PFKP: variants seen among roughly 807,000 people sequenced by gnomAD.
PFKP encodes the protein phosphofructokinase, platelet.
PFKP carries 101 observed loss-of-function variants against 94.3 expected under a neutral mutation model. The observed-to-expected ratio is 1.07, with a 90% confidence interval of 0.91 to 1.26. The LOEUF (loss-of-function observed/expected upper bound fraction) is 1.26. Ranked by LOEUF, PFKP falls within the 50% of genes most tolerant of loss-of-function variation. PFKP has a pLI of 0.00. For missense variants in PFKP, 1,145 were observed against 1,103.3 expected, an observed-to-expected ratio of 1.04 and a Z score of -0.53; for synonymous variants, 573 against 432.6, an observed-to-expected ratio of 1.32 and a Z score of -4.03.
At chr10:3,067,805 A>G (rs1173544118) in intron 1 of PFKP, 98 bp downstream of exon 1, 12 of 340,676 alleles carry the variant, frequency 3.5e-5, no homozygotes, top group African/African-American at 9.1e-5. Flanking sequence ...AGAGGGGGGA[A>G]GCGATGGGGG....
chr10:3,134,612 C>T, intron 20 of PFKP, 30 bp downstream of exon 20: 1 of 1,408,066 alleles, frequency 7.1e-7, no homozygotes, highest in East Asian at 2.3e-5. Flanking sequence ...AGGCCACAGC[C>T]TCGTGATGCA....
chr10:3,117,547 C>T (rs115743448), intron 14 of PFKP, among the ~76,000 whole-genome samples: 1,972 of 152,306 alleles, frequency 0.013, 44 homozygotes, highest in African/African-American at 0.045. Flanking sequence ...GAGTTAGCTG[C>T]ACCCTTTGCT....
chr10:3,092,705 C>T (rs901382028), intron 2 of PFKP, among the ~76,000 whole-genome samples: 2 of 152,214 alleles, frequency 1.3e-5, no homozygotes, highest in African/African-American at 2.4e-5. Context: ...AAAAACCTTT[C>T]CCTTCCTGAT....
intron 2 of PFKP, among the ~76,000 whole-genome samples, chr10:3,097,758 A>G (rs1834605832): frequency 6.6e-6 from 1 of 152,172 alleles, no homozygotes; most frequent in African/African-American, 2.4e-5. Flanking sequence ...TAATCCCAGC[A>G]CTTTGGGAGG....
chr10:3,126,168 T>A (rs535554857), intron 16 of PFKP, among the ~76,000 whole-genome samples: 1 of 152,234 alleles, frequency 6.6e-6, no homozygotes, highest in South Asian at 2.1e-4. Flanking sequence ...TTCCGGGTAC[T>A]TCCTTCAGAG....
intron 3 of PFKP, among the ~76,000 whole-genome samples, chr10:3,100,049 G>GGT (rs754475792): frequency 0.074 from 10,205 of 138,600 alleles, 797 homozygotes; most frequent in African/African-American, 0.22. Context: ...TGTATGTGTA[G>GGT]GTGTGTGGTG....
chr10:3,121,429 T>C (rs1837388725), intron 16 of PFKP, among the ~76,000 whole-genome samples: 1 of 152,216 alleles, frequency 6.6e-6, no homozygotes. Context: ...CTGTGAAAGT[T>C]GGGTGTGCAA....
At chr10:3,077,249 CTTTTTTTTTTTCTTTTT>C (rs1458849541) in intron 1 of PFKP, among the ~76,000 whole-genome samples, 1 of 108,180 alleles carries the variant, frequency 9.2e-6, no homozygotes, top group African/African-American at 3.4e-5. Context: ...CTATTCTTTA[CTTTTTTTTTTTCTTTTT>C]TTTTTTTTTT....
At chr10:3,136,171 G>T (rs941338193) in intron 21 of PFKP, among the ~76,000 whole-genome samples, 4 of 152,172 alleles carry the variant, frequency 2.6e-5, no homozygotes, top group Non-Finnish European at 5.9e-5. Flanking sequence ...GGCTGAGGCA[G>T]GAGAAATCGC....
Position 3,129,799 on chromosome 10 carries a change from G to A in PFKP, c.1684-20G>A, listed in dbSNP as rs371460557. 4.3e-6 allele frequency: 7 copies of A among 1,612,454 alleles called. No homozygotes were observed. The highest frequency in any genetic ancestry group is 5.9e-6 in the Non-Finnish European group (7 of 1,179,698). On this transcript the variant is annotated intron_variant, in intron 16 of 21. Coordinates refer to ENST00000381125, the MANE Select transcript of PFKP (RefSeq NM_002627.5). ...GCCCCGGGCCTGGGCTGGAGTGACT[G>A]ATCGCTTCTCTGTGACCAGACCTGC...
At chr10:3,100,896 A>T in intron 3 of PFKP, 1 of 1,283,606 alleles carries the variant, frequency 7.8e-7, no homozygotes, top group Non-Finnish European at 1.1e-6. Flanking sequence ...CCCTGGCCCC[A>T]GGTTCCTGCT....
rs1283768398 is a variant in PFKP, at chr10:3,105,051, G to C, written c.621-64G>C. 6.1e-6 allele frequency: 9 copies of C among 1,474,820 alleles called. No individual in the cohort carries two copies. In the East Asian group the frequency reaches 2.0e-4, roughly 33 times the overall value. The allele number at this position is 1,474,820 out of a possible 1,614,324, so 91.4% of individuals were successfully genotyped here. A position where few individuals can be genotyped will look rare whatever the true frequency, so the allele number is the denominator to read the frequency against. On this transcript the variant is annotated intron_variant, in intron 5 of 21. Transcript: ENST00000381125. ...TTCTGAGCTGTTTCCAGGACTGAGT[G>C]GGTGCTCCCTCTGTTTCTCTGCTTT...
rs1564309832 is a variant in PFKP at position 3,106,695 on chromosome 10, G to GCCCCTC, written c.775-519_775-518insCCCCTC. On this transcript the variant is annotated intron_variant, in intron 7 of 21. Transcript: ENST00000381125. ...TGCCCCTGTCCTCACCCCTACCCCT[G>GCCCCTC]TCCTCACCCCTGCCCCTCTCCTCAC... Among the ~76,000 whole-genome samples, 2 of 1,324 alleles carry GCCCCTC rather than the reference G, an allele frequency of 1.5e-3. 1 individual carries two copies. The allele number at this position is 1,324 out of a possible 152,430, so 0.9% of individuals were successfully genotyped here.
intron 17 of PFKP, among the ~76,000 whole-genome samples, chr10:3,131,940 T>A (rs1341799541): frequency 6.6e-6 from 1 of 152,160 alleles, no homozygotes; most frequent in African/African-American, 2.4e-5. Context: ...TGTGTATGAA[T>A]GTGAGTCTAC....
intron 16 of PFKP, among the ~76,000 whole-genome samples, chr10:3,122,355 A>C (rs1045102239): frequency 2.6e-5 from 4 of 152,002 alleles, no homozygotes; most frequent in African/African-American, 9.7e-5. Flanking sequence ...GCTGCTGGGG[A>C]GCTGGGACAG....
intron 16 of PFKP, among the ~76,000 whole-genome samples, chr10:3,126,965 A>T (rs1789101175): frequency 1.3e-5 from 2 of 152,250 alleles, no homozygotes; most frequent in Admixed American, 1.3e-4. Flanking sequence ...TCCACGTGCC[A>T]GCCCTGGGAC....
At chr10:3,099,991 C>T (rs1834826623) in intron 3 of PFKP, among the ~76,000 whole-genome samples, 1 of 150,090 alleles carries the variant, frequency 6.7e-6, no homozygotes. Context: ...GAATTTCTGG[C>T]TAGCGAATGT....
At chr10:3,097,604 G>A (rs185047479) in intron 2 of PFKP, among the ~76,000 whole-genome samples, 123 of 152,316 alleles carry the variant, frequency 8.1e-4, no homozygotes, top group Non-Finnish European at 1.5e-3. Context: ...CTCGGGAGGT[G>A]CAGACGGGGC....
chr10:3,098,688 A>AAAAAAAAAAAG (rs1313571952), intron 2 of PFKP, among the ~76,000 whole-genome samples: 10 of 151,796 alleles, frequency 6.6e-5, no homozygotes, highest in South Asian at 2.1e-4. Context: ...AAAAAAAAAA[A>AAAAAAAAAAAG]AAGGTAATTG....
Sources: gnomAD v4.1 joint callset for allele counts (sites outside exome capture counted in the v4.1 genomes callset) on GRCh38, gnomAD v4.1.1 for gene constraint, MANE v1.5 for transcripts, NCBI Gene and HGNC (gene_info 2026-07-23, HGNC 2026-07-21) for gene names.